The following CTNNA3 variants were observed in gnomAD, a reference collection of about 807,000 sequenced individuals.
CTNNA3 encodes the protein catenin alpha 3.
In CTNNA3, 76 loss-of-function variants were observed where a neutral mutation model predicts 95.7. The observed-to-expected ratio is 0.79, with a 90% CI of 0.66 to 0.96. The LOEUF (loss-of-function observed/expected upper bound fraction) is 0.96, where lower values mean the gene tolerates loss of function less well. Ranked by LOEUF, CTNNA3 falls within the 40% of genes least tolerant of loss-of-function variation. The pLI, the probability that CTNNA3 is intolerant of heterozygous loss-of-function variation, is 0.00. For missense variants in CTNNA3, 1,191 were observed against 1,089.8 expected (o/e 1.09, Z -1.31); for synonymous variants, 431 against 374.4 (o/e 1.15, Z -1.74).
chr10:67,704,231 C>G (rs559340004), intron 1 of CTNNA3, among the ~76,000 whole-genome samples: 2 of 152,314 alleles, frequency 1.3e-5, no homozygotes, highest in South Asian at 2.1e-4. Flanking sequence ...AATGCCATCC[C>G]CATCAAGCTA....
At chr10:66,648,126 T>G (rs114343608) in intron 9 of CTNNA3, among the ~76,000 whole-genome samples, 1,593 of 152,254 alleles carry the variant, frequency 0.01, 32 homozygotes, top group African/African-American at 0.036. Flanking sequence ...GTATCCTCCA[T>G]TGGCCTAACA....
At chr10:67,293,170 A>T (rs1339281202) in intron 5 of CTNNA3, among the ~76,000 whole-genome samples, 1 of 152,136 alleles carries the variant, frequency 6.6e-6, no homozygotes, top group Non-Finnish European at 1.5e-5. Context: ...GATCAAGTAG[A>T]CTTTCTTTTT....
At chr10:66,892,985 T>A (rs559701861) in intron 7 of CTNNA3, among the ~76,000 whole-genome samples, 2 of 152,112 alleles carry the variant, frequency 1.3e-5, no homozygotes, top group Non-Finnish European at 2.9e-5. Flanking sequence ...TCTGCTCATG[T>A]TTTTCTCTTT....
In CTNNA3 at chr10:66,356,509, C is replaced by T. The variant is rs188094401; in HGVS notation, c.1732+22643G>A. On this transcript the variant is annotated intron_variant, in intron 12 of 17. Coordinates refer to ENST00000433211, the MANE Select transcript of CTNNA3 (RefSeq NM_013266.4). ...GGTTTCCAATTGTTCATTGCTAGCA[C>T]GTATAAATATAATAGATCTTTGGAA... is the stretch of plus-strand genomic sequence containing the variant. Among the ~76,000 whole-genome samples the T allele has an allele frequency of 1.1e-4, 17 of 151,942 alleles. No individual in the cohort carries two copies. The East Asian group carries it at 2.9e-3, about 26-fold the overall frequency.
At chr10:66,023,613 T>A (rs1286226947) in intron 15 of CTNNA3, among the ~76,000 whole-genome samples, 1 of 152,196 alleles carries the variant, frequency 6.6e-6, no homozygotes, top group Non-Finnish European at 1.5e-5. Flanking sequence ...ACTTTAAAAG[T>A]ACCAGCACAA....
At chr10:66,216,184 A>T (rs2131964651) in intron 13 of CTNNA3, among the ~76,000 whole-genome samples, 1 of 152,334 alleles carries the variant, frequency 6.6e-6, no homozygotes, top group Non-Finnish European at 1.5e-5. Context: ...CCTTAGGCAA[A>T]TTTACATAGC....
intron 10 of CTNNA3, among the ~76,000 whole-genome samples, chr10:66,531,718 T>C (rs565236152): frequency 4.0e-5 from 6 of 150,586 alleles, no homozygotes; most frequent in Non-Finnish European, 5.9e-5. Flanking sequence ...ATAAGAAAAA[T>C]TGAATCTACA....
intron 13 of CTNNA3, among the ~76,000 whole-genome samples, chr10:66,143,522 C>T (rs1489971703): frequency 2.6e-5 from 4 of 152,122 alleles, no homozygotes; most frequent in African/African-American, 9.7e-5. Context: ...TGTTTCTACT[C>T]ACAATTAATT....
chr10:66,472,234 T>G (rs186434486), intron 11 of CTNNA3, among the ~76,000 whole-genome samples: 1 of 152,076 alleles, frequency 6.6e-6, no homozygotes, highest in East Asian at 1.9e-4. Flanking sequence ...GATTTTTTTT[T>G]TTAGGAGAGA....
rs186817931 is a variant in CTNNA3, at chr10:67,364,786, A to G, written c.580-144916T>C. 2.1e-3 allele frequency among the ~76,000 whole-genome samples: 325 copies of G among 152,328 alleles called. 1 individual carries two copies. The highest frequency in any genetic ancestry group is 7.4e-3 in the African/African-American group (308 of 41,586). On this transcript the variant is annotated intron_variant, in intron 5 of 17. Transcript: ENST00000433211. Reference sequence around the variant, plus strand: ...GATAGGAAGAATCAAAATCATGAAAATGGCCATACTGCCCAAGGTAATTTA... The same window carrying G: ...GATAGGAAGAATCAAAATCATGAAAGTGGCCATACTGCCCAAGGTAATTTA...
chr10:67,640,515 A>T (rs1280866474), intron 2 of CTNNA3, among the ~76,000 whole-genome samples: 1 of 152,246 alleles, frequency 6.6e-6, no homozygotes, highest in Admixed American at 6.5e-5. Flanking sequence ...TTTAAAGTTC[A>T]TATGGAACCA....
At chr10:67,211,743 C>T (rs12258094) in intron 6 of CTNNA3, among the ~76,000 whole-genome samples, 3,590 of 152,198 alleles carry the variant, frequency 0.024, 144 homozygotes, top group African/African-American at 0.08. Flanking sequence ...TCATTTGTCA[C>T]AAGAGCATTA....
chr10:67,223,797 G>T (rs1029615441), intron 5 of CTNNA3, among the ~76,000 whole-genome samples: 1 of 152,134 alleles, frequency 6.6e-6, no homozygotes, highest in Non-Finnish European at 1.5e-5. Flanking sequence ...CTAAATGTTG[G>T]AAATGCAAAG....
chr10:67,463,578 T>C (rs533542611), intron 5 of CTNNA3, among the ~76,000 whole-genome samples: 48 of 152,314 alleles, frequency 3.2e-4, no homozygotes, highest in Middle Eastern at 3.4e-3. Flanking sequence ...CCTCAATACA[T>C]GTGTTCAATT....
At chr10:66,655,948 T>A (rs1268661460) in intron 9 of CTNNA3, among the ~76,000 whole-genome samples, 1 of 152,124 alleles carries the variant, frequency 6.6e-6, no homozygotes, top group African/African-American at 2.4e-5. Context: ...ATGGAAGACG[T>A]GGCTCATATC....
intron 10 of CTNNA3, among the ~76,000 whole-genome samples, chr10:66,530,564 A>C (rs1191997471): frequency 6.6e-6 from 1 of 152,176 alleles, no homozygotes; most frequent in African/African-American, 2.4e-5. Context: ...TACGGCATGT[A>C]ATACTTCCCA....
At chr10:67,658,611 TA>T (rs994565307) in intron 1 of CTNNA3, among the ~76,000 whole-genome samples, 1 of 151,900 alleles carries the variant, frequency 6.6e-6, no homozygotes, top group African/African-American at 2.4e-5. Flanking sequence ...AGTACTGTCT[TA>T]AAAAAAACAA....
chr10:66,180,012 G>A (rs79266009), intron 13 of CTNNA3, among the ~76,000 whole-genome samples: 3,223 of 152,164 alleles, frequency 0.021, 115 homozygotes, highest in African/African-American at 0.074. Context: ...AATTAAGTTT[G>A]CTTTTAAAAC....
chr10:66,360,637 TTC>T (rs1491021269), intron 12 of CTNNA3, among the ~76,000 whole-genome samples: 2 of 54,948 alleles, frequency 3.6e-5, no homozygotes, highest in Non-Finnish European at 7.3e-5. Context: ...CTTTCTTTCT[TTC>T]TTTCTTTCTT....
Sources: gnomAD v4.1 joint callset for allele counts (sites outside exome capture counted in the v4.1 genomes callset) on GRCh38, gnomAD v4.1.1 for gene constraint, MANE v1.5 for transcripts, NCBI Gene and HGNC (gene_info 2026-07-23, HGNC 2026-07-21) for gene names.